The following SCNN1B variants were observed in gnomAD, a reference collection of about 807,000 sequenced individuals.
SCNN1B encodes the protein epithelial sodium channel subunit beta.
In SCNN1B, 46 loss-of-function variants were observed where a neutral mutation model predicts 65.3. That is an observed-to-expected ratio of 0.70 (90% confidence interval 0.56 to 0.90). The LOEUF (loss-of-function observed/expected upper bound fraction) is 0.90. SCNN1B is among the 40% of genes least tolerant of loss of function. The pLI is 0.00. For missense variants in SCNN1B, 751 were observed against 830.5 expected (o/e 0.90, Z 1.18); for synonymous variants, 349 against 330.6 (o/e 1.06, Z -0.60).
chr16:23,371,498 T>A, intron 6 of SCNN1B, 36 bp downstream of exon 6: 1 of 1,607,816 alleles, frequency 6.2e-7, no homozygotes, highest in Non-Finnish European at 8.5e-7. Context: ...CTAGAGGGTC[T>A]GAGGGTGGGA....
At chr16:23,342,548 G>A (rs1962074693) in intron 1 of SCNN1B, among the ~76,000 whole-genome samples, 1 of 152,048 alleles carries the variant, frequency 6.6e-6, no homozygotes, top group South Asian at 2.1e-4. Context: ...TGCCCAGCCT[G>A]CAATTCTGTT....
intron 5 of SCNN1B, among the ~76,000 whole-genome samples, chr16:23,369,021 G>T (rs927979748): frequency 3.9e-5 from 6 of 152,144 alleles, no homozygotes. Flanking sequence ...ACAAAACTGC[G>T]CTTGAACCCC....
chr16:23,286,591 C>G (rs528414826), intron 2 of SCNN1B, among the ~76,000 whole-genome samples: 4 of 152,310 alleles, frequency 2.6e-5, no homozygotes, highest in Admixed American at 2.6e-4. Flanking sequence ...CTGATCAAAC[C>G]ATAGATTTAG....
intron 2 of SCNN1B, among the ~76,000 whole-genome samples, chr16:23,295,245 G>T (rs183587766): frequency 8.4e-4 from 127 of 151,990 alleles, no homozygotes; most frequent in African/African-American, 2.9e-3. Context: ...TTGAGACCAG[G>T]TCTCACTCTG....
intron 2 of SCNN1B, among the ~76,000 whole-genome samples, chr16:23,294,986 G>A (rs995367443): frequency 1.3e-5 from 2 of 148,168 alleles, no homozygotes; most frequent in Non-Finnish European, 3.0e-5. Context: ...GAGCAAGACT[G>A]TCTCAAAATA....
At chr16:23,314,750 C>T (rs1263676857) in intron 1 of SCNN1B, among the ~76,000 whole-genome samples, 1 of 152,214 alleles carries the variant, frequency 6.6e-6, no homozygotes, top group Non-Finnish European at 1.5e-5. Flanking sequence ...TGTAATCTCC[C>T]CCAACAAAGA....
chr16:23,355,693 C>T (rs1192677315), intron 4 of SCNN1B, among the ~76,000 whole-genome samples: 8 of 152,008 alleles, frequency 5.3e-5, no homozygotes, highest in Admixed American at 2.6e-4. Context: ...GAAGAGCTCG[C>T]GAAGCATTGA....
rs1962882235 is a variant in SCNN1B at position 23,375,841 on chromosome 16, A to T, written c.1256A>T (p.Asp419Val). Residue 419 changes from aspartate (D) to valine (V), a missense_variant, in exon 8 of 13, where the codon GAC becomes GTC. Coordinates refer to ENST00000343070, the MANE Select transcript of SCNN1B (RefSeq NM_000336.3). ...GGGGAGAAATACTGCAACAACCGGG[A>T]CTTCCCAGACTGGGGTGAGCGGGGG... ...PRGEKYCNNRDFPDWAHCYSD... is the reference protein window; with the variant it reads ...PRGEKYCNNRVFPDWAHCYSD... The T allele has an allele frequency of 1.2e-6, 2 of 1,611,286 alleles. No individual in the cohort carries two copies. The highest frequency in any genetic ancestry group is 1.7e-6 in the Non-Finnish European group (2 of 1,177,372).
intron 1 of SCNN1B, among the ~76,000 whole-genome samples, chr16:23,320,517 A>G (rs1238584832): frequency 6.6e-6 from 1 of 152,202 alleles, no homozygotes; most frequent in Non-Finnish European, 1.5e-5. Flanking sequence ...TGGCTTCTTC[A>G]GTCAACTGTC....
In SCNN1B at chr16:23,348,549, G is replaced by A; in HGVS notation, c.-8-43G>A. The stretch of plus-strand genomic sequence containing the variant: ...GTGACTGGGACATCCTCGCAGGCAA[G>A]GCTGGTGTCCCAGCTGATGTGCGTC... On this transcript the variant is annotated intron_variant, in intron 1 of 12. Coordinates refer to ENST00000343070, the MANE Select transcript of SCNN1B (RefSeq NM_000336.3). The surrounding 1 kb of genome is among the most constrained non-coding windows in gnomAD (Gnocchi z 4.5). 6.3e-7 allele frequency: 1 copy of A among 1,598,102 alleles called. No individual in the cohort carries two copies.
At chr16:23,368,088 C>T (rs990331214) in intron 5 of SCNN1B, 129 bp downstream of exon 5, 10 of 799,306 alleles carry the variant, frequency 1.3e-5, no homozygotes, top group Non-Finnish European at 1.3e-5. Context: ...GGAGTGGCTG[C>T]TACCGAGGCT....
chr16:23,372,302 T>C, intron 7 of SCNN1B: 1 of 272,084 alleles, frequency 3.7e-6, no homozygotes, highest in South Asian at 4.7e-5. Flanking sequence ...GCAGCATTTA[T>C]TGATAAACTA....
Position 23,353,050 on chromosome 16 carries a change from C to T in SCNN1B, c.561C>T (p.His187=), listed in dbSNP as rs773448523. The change falls in exon 3 of 13, where the codon CAC becomes CAT. Residue 187 remains histidine, a synonymous_variant. Coordinates refer to ENST00000343070, the MANE Select transcript of SCNN1B (RefSeq NM_000336.3). ...SSASEKICNA[H]GCKMAMRLCS... ...CATCAGAAAAGATCTGTAATGCCCA[C>T]GGGTGCAAAATGGCCATGAGACTAG... 40 of 1,613,992 alleles carry T rather than the reference C, an allele frequency of 2.5e-5. No individual in the cohort carries two copies. Among genetic ancestry groups the T allele is most frequent in the Admixed American group, 3.3e-5 (2 of 59,992 alleles).
chr16:23,372,007 A>G, intron 7 of SCNN1B, 124 bp downstream of exon 7: 1 of 769,010 alleles, frequency 1.3e-6, no homozygotes, highest in Non-Finnish European at 2.3e-6. Context: ...GTAGGTTGCC[A>G]CGGGGCACCC....
intron 1 of SCNN1B, among the ~76,000 whole-genome samples, chr16:23,316,742 A>G (rs1447667169): frequency 2.0e-5 from 3 of 148,620 alleles, no homozygotes; most frequent in Non-Finnish European, 4.5e-5. Context: ...CTCTGTCATC[A>G]CTGTCACCAT....
intron 1 of SCNN1B, among the ~76,000 whole-genome samples, chr16:23,280,894 C>T (rs1960775619): frequency 1.3e-5 from 2 of 152,228 alleles, no homozygotes; most frequent in South Asian, 2.1e-4. Flanking sequence ...TTGCATTGTG[C>T]TTAGTAATTA....
chr16:23,349,647 C>T lies in SCNN1B; in HGVS notation c.311+737C>T, dbSNP rs12928949. ...TATTTATCGATTCCACGCGTGTTTACGGAGCACCTACTATGTGCCAGGCAC... is the reference window on the plus strand; with the variant it reads ...TATTTATCGATTCCACGCGTGTTTATGGAGCACCTACTATGTGCCAGGCAC... On this transcript the variant is annotated intron_variant, in intron 2 of 12. Coordinates refer to ENST00000343070, the MANE Select transcript of SCNN1B (RefSeq NM_000336.3). Among the ~76,000 whole-genome samples, 669 of 152,232 alleles carry T rather than the reference C, an allele frequency of 4.4e-3. 2 individuals carry two copies. The highest frequency in any genetic ancestry group is 8.0e-3 in the Non-Finnish European group (547 of 68,022).
chr16:23,305,573 T>TAAAA lies in SCNN1B; in HGVS notation c.-9+3137_-9+3138insAAAA, dbSNP rs1567290443. The stretch of plus-strand genomic sequence containing the variant: ...ATATATATATATATATATATATATA[T>TAAAA]ATATTATATATATATATATATATAT... On this transcript the variant is annotated intron_variant, in intron 1 of 12. Transcript: ENST00000343070. Among the ~76,000 whole-genome samples the TAAAA allele has an allele frequency of 4.5e-3, 190 of 42,620 alleles. 11 individuals are homozygous for TAAAA. Among genetic ancestry groups the TAAAA allele is most frequent in the Middle Eastern group, 0.018 (1 of 56 alleles). The allele number at this position is 42,620 out of a possible 152,430, so 28.0% of individuals were successfully genotyped here. A position where few individuals can be genotyped will look rare whatever the true frequency, so the allele number is the denominator to read the frequency against.
At chr16:23,333,945 C>T (rs2142003650) in intron 1 of SCNN1B, among the ~76,000 whole-genome samples, 1 of 152,362 alleles carries the variant, frequency 6.6e-6, no homozygotes, top group South Asian at 2.1e-4. Flanking sequence ...AAACCCTACC[C>T]TGTCTGCCCT....
Sources: gnomAD v4.1 joint callset for allele counts (sites outside exome capture counted in the v4.1 genomes callset) on GRCh38, gnomAD v4.1.1 for gene constraint, Gnocchi (gnomAD v3.1) non-coding constraint, MANE v1.5 for transcripts, NCBI Gene and HGNC (gene_info 2026-07-23, HGNC 2026-07-21) for gene names.